ATP10B: variants seen among roughly 807,000 people sequenced by gnomAD.
The protein encoded by ATP10B is ATPase phospholipid transporting 10B (putative), also known as phospholipid-transporting ATPase VB.
A neutral mutation model predicts 141.2 loss-of-function variants in ATP10B; 122 were observed. The observed-to-expected ratio is 0.86, with a 90% CI of 0.75 to 1.00. The LOEUF is 1.00. Ranked by LOEUF, ATP10B falls within the 50% of genes least tolerant of loss-of-function variation. The pLI, the probability that ATP10B is intolerant of heterozygous loss-of-function variation, is 0.00. For synonymous variants in ATP10B, 685 were observed against 692.0 expected (o/e 0.99, Z 0.16); for missense variants, 1,876 against 1,825.3 (o/e 1.03, Z -0.51).
At chr5:160,908,753 T>C in the ATP10B span, among the ~76,000 whole-genome samples, 1 of 152,126 alleles carries the variant, frequency 6.6e-6, no homozygotes, top group Non-Finnish European at 1.5e-5. Context: ...ATGATAATGA[T>C]TTTGCTAATT....
intron 13 of ATP10B, among the ~76,000 whole-genome samples, chr5:160,625,289 G>T (rs1013090705): frequency 6.6e-6 from 1 of 152,178 alleles, no homozygotes; most frequent in Non-Finnish European, 1.5e-5. Context: ...ACCACCCAGG[G>T]TCTTTAGTGT....
At chr5:160,815,989 A>G (rs1773584699) in intron 1 of ATP10B, among the ~76,000 whole-genome samples, 1 of 151,922 alleles carries the variant, frequency 6.6e-6, no homozygotes, top group Non-Finnish European at 1.5e-5. Flanking sequence ...AACATACCAG[A>G]ATCTCTGGGA....
the ATP10B span, among the ~76,000 whole-genome samples, chr5:160,917,270 T>TTC: frequency 0.044 from 1,029 of 23,164 alleles, 16 homozygotes; most frequent in African/African-American, 0.25. Context: ...AGGGTACTTC[T>TTC]TTTTTTTTTT....
intron 1 of ATP10B, among the ~76,000 whole-genome samples, chr5:160,789,830 G>A (rs1479039078): frequency 6.6e-6 from 1 of 152,162 alleles, no homozygotes; most frequent in Non-Finnish European, 1.5e-5. Context: ...CCAGCAGGGG[G>A]TTGGGGATGG....
At chr5:160,915,656 T>C in the ATP10B span, among the ~76,000 whole-genome samples, 1 of 152,056 alleles carries the variant, frequency 6.6e-6, no homozygotes, top group East Asian at 1.9e-4. Flanking sequence ...TCTAGTACCA[T>C]CACACCTTCT....
intron 24 of ATP10B, among the ~76,000 whole-genome samples, chr5:160,585,605 AAAAC>A (rs1221506695): frequency 6.6e-6 from 1 of 152,246 alleles, no homozygotes; most frequent in Non-Finnish European, 1.5e-5. Flanking sequence ...TCATCTCCAA[AAAAC>A]AAACAAAAAA....
In ATP10B at chr5:160,622,008, G is replaced by A. The variant is rs117361154; in HGVS notation, c.1812+386C>T. Among the ~76,000 whole-genome samples, 160 of 152,194 alleles carry A rather than the reference G, an allele frequency of 1.1e-3. 2 individuals carry two copies. In the East Asian group the frequency reaches 0.027, roughly 26 times the overall value. ...GAGTTTTCTGAGCTACTATTTCTTCGCTTGTTAAATCTAAGGTCCTGCCTC... is the reference window on the plus strand; with the variant it reads ...GAGTTTTCTGAGCTACTATTTCTTCACTTGTTAAATCTAAGGTCCTGCCTC... On this transcript the variant is annotated intron_variant, in intron 14 of 25. Coordinates refer to ENST00000327245, the MANE Select transcript of ATP10B (RefSeq NM_025153.3).
rs891230511 is a variant in ATP10B, at chr5:160,714,920, G to C, written c.-205+1989C>G. 6.1e-3 allele frequency among the ~76,000 whole-genome samples: 870 copies of C among 143,762 alleles called. 29 individuals carry two copies. Among genetic ancestry groups the C allele is most frequent in the African/African-American group, 0.021 (803 of 37,626 alleles). The allele number at this position is 143,762 out of a possible 152,430, so 94.3% of individuals were successfully genotyped here. A position where few individuals can be genotyped will look rare whatever the true frequency, so the allele number is the denominator to read the frequency against. ...CTGCTGGGGGGTGCCTCCCAGTTAG[G>C]CTGCTCGGGGGTCAGGGGTCAGGGA... On this transcript the variant is annotated intron_variant, in intron 3 of 25. Coordinates refer to ENST00000327245, the MANE Select transcript of ATP10B (RefSeq NM_025153.3).
At chr5:160,878,432 A>T in the ATP10B span, among the ~76,000 whole-genome samples, 1 of 152,178 alleles carries the variant, frequency 6.6e-6, no homozygotes, top group South Asian at 2.1e-4. Context: ...TAAAAACCCT[A>T]GAAGAAAACC....
intron 1 of ATP10B, among the ~76,000 whole-genome samples, chr5:160,795,512 G>C (rs1771878673): frequency 6.6e-6 from 1 of 152,086 alleles, no homozygotes; most frequent in South Asian, 2.1e-4. Flanking sequence ...CAATGAATAG[G>C]GGTGAGAATA....
chr5:160,572,961 TCA>T (rs556468041), intron 24 of ATP10B, among the ~76,000 whole-genome samples: 243 of 152,334 alleles, frequency 1.6e-3, no homozygotes, highest in African/African-American at 5.7e-3. Context: ...TCAGTGTGTA[TCA>T]GTCTGACACG....
the ATP10B span, among the ~76,000 whole-genome samples, chr5:160,869,846 T>A: frequency 6.6e-6 from 1 of 152,146 alleles, no homozygotes; most frequent in Non-Finnish European, 1.5e-5. Flanking sequence ...AAGGACCCTG[T>A]CATGAGGGGC....
At chr5:160,905,970 T>TA in the ATP10B span, among the ~76,000 whole-genome samples, 1 of 152,116 alleles carries the variant, frequency 6.6e-6, no homozygotes, top group Non-Finnish European at 1.5e-5. Context: ...CCCAAAGACT[T>TA]ACAAATTTCC....
intron 7 of ATP10B, among the ~76,000 whole-genome samples, chr5:160,666,512 CT>C (rs1383617774): frequency 3.3e-5 from 5 of 152,096 alleles, no homozygotes; most frequent in Admixed American, 2.0e-4. Context: ...CTCCTTGGGG[CT>C]TATTAAAGTA....
At chr5:160,669,116 C>A (rs1407984183) in intron 7 of ATP10B, among the ~76,000 whole-genome samples, 2 of 152,226 alleles carry the variant, frequency 1.3e-5, no homozygotes, top group Admixed American at 6.5e-5. Flanking sequence ...AAATTGTACT[C>A]TTTTCCCTGG....
intron 2 of ATP10B, among the ~76,000 whole-genome samples, chr5:160,738,331 G>T (rs1767257162): frequency 6.6e-6 from 1 of 151,946 alleles, no homozygotes; most frequent in Admixed American, 6.6e-5. Flanking sequence ...AAAAAGGTGT[G>T]AAAACTCAAG....
the ATP10B span, among the ~76,000 whole-genome samples, chr5:160,878,410 G>A: frequency 2.3e-3 from 346 of 148,604 alleles, no homozygotes; most frequent in African/African-American, 7.9e-3. Context: ...TTAAACGTTA[G>A]ACCTAAAACC....
intron 5 of ATP10B, among the ~76,000 whole-genome samples, chr5:160,687,375 ACTT>A: frequency 6.6e-6 from 1 of 152,226 alleles, no homozygotes; most frequent in East Asian, 1.9e-4. Context: ...GAATGAAAAA[ACTT>A]CTTAAGACAA....
intron 3 of ATP10B, among the ~76,000 whole-genome samples, chr5:160,703,097 AG>A (rs1372641758): frequency 6.6e-6 from 1 of 152,204 alleles, no homozygotes; most frequent in Non-Finnish European, 1.5e-5. Context: ...TGTGGTTTGG[AG>A]GATGTGACTG....
Sources: allele counts gnomAD v4.1 joint callset (sites outside exome capture counted in the v4.1 genomes callset), GRCh38; gene constraint gnomAD v4.1.1; transcripts MANE v1.5; gene names NCBI Gene and HGNC (gene_info 2026-07-23, HGNC 2026-07-21).